Variants in CPA6 observed in about 807,000 individuals in gnomAD.
The protein encoded by CPA6 is carboxypeptidase A6.
A neutral mutation model predicts 63.3 loss-of-function variants in CPA6; 58 were observed. The observed-to-expected ratio is 0.92, with a 90% CI of 0.74 to 1.14. The LOEUF is 1.14. CPA6 is among the 50% of genes most tolerant of loss of function. CPA6 has a pLI of 0.00. For missense variants in CPA6, 565 were observed against 526.6 expected (o/e 1.07, Z -0.71); for synonymous variants, 185 against 179.0 (o/e 1.03, Z -0.27).
intron 2 of CPA6, among the ~76,000 whole-genome samples, chr8:67,611,724 G>A (rs1283873101): frequency 1.3e-5 from 2 of 152,134 alleles, no homozygotes; most frequent in African/African-American, 4.8e-5. Flanking sequence ...TCTTTCCTAT[G>A]ACATGGAAAC....
chr8:67,503,567 C>T (rs761450591), intron 6 of CPA6, among the ~76,000 whole-genome samples: 14 of 151,628 alleles, frequency 9.2e-5, no homozygotes, highest in Admixed American at 2.0e-4. Context: ...CTCGGCCTCC[C>T]GAAGTGCTGG....
At chr8:67,491,882 T>A (rs1042068355) in intron 6 of CPA6, among the ~76,000 whole-genome samples, 2 of 152,210 alleles carry the variant, frequency 1.3e-5, no homozygotes, top group Non-Finnish European at 2.9e-5. Flanking sequence ...CTGTGATCGA[T>A]TCTACTATTT....
chr8:67,472,323 G>A (rs1388783277), intron 8 of CPA6, among the ~76,000 whole-genome samples: 2 of 152,020 alleles, frequency 1.3e-5, no homozygotes, highest in African/African-American at 4.8e-5. Context: ...GCATTTTTAT[G>A]TGCTGCTTAC....
intron 1 of CPA6, among the ~76,000 whole-genome samples, chr8:67,637,218 TCA>T (rs1815487838): frequency 6.6e-6 from 1 of 151,648 alleles, no homozygotes; most frequent in African/African-American, 2.4e-5. Context: ...TCACGGTAGC[TCA>T]CATGTAATGG....
intron 2 of CPA6, among the ~76,000 whole-genome samples, chr8:67,529,776 A>G (rs1022892631): frequency 3.9e-5 from 6 of 152,176 alleles, no homozygotes; most frequent in African/African-American, 1.4e-4. Context: ...AAAATAACTC[A>G]ATAGTGTCAC....
intron 2 of CPA6, among the ~76,000 whole-genome samples, chr8:67,611,821 G>A (rs1041950918): frequency 5.3e-5 from 8 of 152,048 alleles, no homozygotes; most frequent in East Asian, 3.9e-4. Flanking sequence ...GCCTGCTGGC[G>A]GCACAGCAAA....
At chr8:67,658,052 A>T (rs559220394) in intron 1 of CPA6, among the ~76,000 whole-genome samples, 89 of 152,192 alleles carry the variant, frequency 5.8e-4, no homozygotes, top group African/African-American at 1.9e-3. Context: ...GTTTCCTTGG[A>T]GTGGTGTGCT....
intron 2 of CPA6, among the ~76,000 whole-genome samples, chr8:67,623,324 A>T (rs1469252434): frequency 6.6e-6 from 1 of 152,236 alleles, no homozygotes; most frequent in Non-Finnish European, 1.5e-5. Flanking sequence ...ACAGCAATGA[A>T]CAAAAAATAG....
rs371075981 is a variant in CPA6, at chr8:67,662,567, GA to G, written c.117-38317del. ...ACATACACACGTATATGTATATATA[GA>G]ATACATACACATGTATATGTATATA... On this transcript the variant is annotated intron_variant, in intron 1 of 10. Coordinates refer to ENST00000297770, the MANE Select transcript of CPA6 (RefSeq NM_020361.5). Among the ~76,000 whole-genome samples, 589 of 113,816 alleles carry G rather than the reference GA, an allele frequency of 5.2e-3. 2 individuals carry two copies. The highest frequency in any genetic ancestry group is 0.014 in the African/African-American group (308 of 22,806). 74.7% of individuals were successfully genotyped at this position (113,816 alleles called of 152,430 possible).
intron 9 of CPA6, among the ~76,000 whole-genome samples, chr8:67,428,571 C>T (rs1462974696): frequency 6.6e-6 from 1 of 152,164 alleles, no homozygotes; most frequent in African/African-American, 2.4e-5. Flanking sequence ...GCAACCTCCA[C>T]CTCCTGGGTT....
At chr8:67,697,485 C>T (rs1362209309) in intron 1 of CPA6, among the ~76,000 whole-genome samples, 10 of 152,146 alleles carry the variant, frequency 6.6e-5, no homozygotes, top group Non-Finnish European at 1.5e-4. Context: ...CAAAGATGAA[C>T]CACCTTTCTT....
intron 4 of CPA6, among the ~76,000 whole-genome samples, chr8:67,511,159 C>T (rs1049755385): frequency 2.6e-5 from 4 of 152,038 alleles, no homozygotes; most frequent in African/African-American, 9.7e-5. Flanking sequence ...GCAGAGGGTA[C>T]AAGTAAGGTC....
At chr8:67,712,142 T>C (rs1204079670) in intron 1 of CPA6, among the ~76,000 whole-genome samples, 1 of 152,020 alleles carries the variant, frequency 6.6e-6, no homozygotes, top group Non-Finnish European at 1.5e-5. Flanking sequence ...ACAGCAATCT[T>C]CCATGGCCAA....
chr8:67,520,283 A>T (rs1434452861), intron 2 of CPA6, among the ~76,000 whole-genome samples: 2 of 152,184 alleles, frequency 1.3e-5, no homozygotes, highest in Non-Finnish European at 2.9e-5. Context: ...CATCCCACAG[A>T]AGAGAGCAGC....
chr8:67,459,130 T>A (rs1471766929), intron 8 of CPA6, among the ~76,000 whole-genome samples: 1 of 152,190 alleles, frequency 6.6e-6, no homozygotes, highest in Non-Finnish European at 1.5e-5. Context: ...TTTAAAAAAA[T>A]TATTTAAAAA....
chr8:67,644,292 G>A (rs530068217), intron 1 of CPA6, among the ~76,000 whole-genome samples: 1 of 152,102 alleles, frequency 6.6e-6, no homozygotes, highest in South Asian at 2.1e-4. Context: ...CTAATGTTTT[G>A]TATTTTTAGT....
intron 8 of CPA6, among the ~76,000 whole-genome samples, chr8:67,479,793 C>T (rs986065115): frequency 6.6e-6 from 1 of 152,120 alleles, no homozygotes; most frequent in Non-Finnish European, 1.5e-5. Flanking sequence ...GCTAGTATAG[C>T]TCTCTCCAAA....
chr8:67,738,088 G>A (rs957727006), intron 1 of CPA6, among the ~76,000 whole-genome samples: 2 of 151,492 alleles, frequency 1.3e-5, no homozygotes, highest in Non-Finnish European at 2.9e-5. Context: ...TGGAGATATT[G>A]TTATTTCAAA....
intron 2 of CPA6, among the ~76,000 whole-genome samples, chr8:67,589,513 G>A (rs1025465987): frequency 2.6e-5 from 4 of 152,128 alleles, no homozygotes; most frequent in African/African-American, 9.7e-5. Flanking sequence ...TCTTTACTGG[G>A]GGACAGGTAA....
Sources: allele counts gnomAD v4.1 joint callset (sites outside exome capture counted in the v4.1 genomes callset), GRCh38; gene constraint gnomAD v4.1.1; transcripts MANE v1.5; gene names NCBI Gene and HGNC (gene_info 2026-07-23, HGNC 2026-07-21).